LRP1B: variants seen among roughly 807,000 people sequenced by gnomAD.
LRP1B encodes low-density lipoprotein receptor-related protein 1B.
A neutral mutation model predicts 556.6 loss-of-function variants in LRP1B; 217 were observed. The observed-to-expected ratio is 0.39, with a 90% confidence interval of 0.35 to 0.44. LRP1B has a LOEUF of 0.44. Among genes scored for constraint, LRP1B ranks in the 20% least tolerant of loss-of-function variants. LRP1B has a pLI of 1.00. For missense variants in LRP1B, 5,053 were observed against 5,620.8 expected (o/e 0.90, Z 3.23); for synonymous variants, 2,047 against 1,865.8 (o/e 1.10, Z -2.50).
At chr2:140,746,135 T>C (rs1688305088) in intron 35 of LRP1B, among the ~76,000 whole-genome samples, 1 of 152,048 alleles carries the variant, frequency 6.6e-6, no homozygotes, top group South Asian at 2.1e-4. Context: ...TCATGATAAA[T>C]TTCATAAATA....
chr2:140,962,778 G>C (rs1696075601), intron 18 of LRP1B, among the ~76,000 whole-genome samples: 2 of 152,176 alleles, frequency 1.3e-5, no homozygotes, highest in African/African-American at 2.4e-5. Flanking sequence ...CAGTGGAAAG[G>C]TGTTTTTGTG....
At chr2:141,224,424 C>T (rs1179433419) in intron 6 of LRP1B, among the ~76,000 whole-genome samples, 1 of 152,168 alleles carries the variant, frequency 6.6e-6, no homozygotes, top group Non-Finnish European at 1.5e-5. Flanking sequence ...GACAGAGTGG[C>T]AATTCCTCAA....
chr2:141,379,263 C>T (rs970290214), intron 3 of LRP1B, among the ~76,000 whole-genome samples: 1 of 152,082 alleles, frequency 6.6e-6, no homozygotes, highest in African/African-American at 2.4e-5. Context: ...GCATATCTGG[C>T]AAAACTACCC....
At chr2:140,237,883 A>AT (rs1021559716) in intron 89 of LRP1B, among the ~76,000 whole-genome samples, 3 of 150,818 alleles carry the variant, frequency 2.0e-5, no homozygotes, top group African/African-American at 7.3e-5. Context: ...ATAATGAATC[A>AT]TTTTTCAATA....
chr2:141,645,711 C>T (rs780083562), intron 2 of LRP1B, among the ~76,000 whole-genome samples: 22 of 151,688 alleles, frequency 1.5e-4, no homozygotes, highest in Non-Finnish European at 3.1e-4. Context: ...ATAGATAAGT[C>T]CTTAGAGACT....
chr2:140,335,707 G>A lies in LRP1B; in HGVS notation c.12024C>T (p.Ile4008=), dbSNP rs1478670372. Residue 4008 remains isoleucine (I), a synonymous_variant, in exon 78 of 91, where the codon ATC becomes ATT. Coordinates refer to ENST00000389484, the MANE Select transcript of LRP1B (RefSeq NM_018557.3). ...TGGGGCCATTCAGCTGCCCTACGTT[G>A]ATAGAGTACCTCAGACTGGTCCAGT... ...TTHWTSLRYS[I]NVGQLNGPNC... The A allele has an allele frequency of 6.2e-7, 1 of 1,612,204 alleles. No homozygotes were observed. Among genetic ancestry groups the A allele is most frequent in the African/African-American group, 1.3e-5 (1 of 74,896 alleles).
At position 141,576,484 on chromosome 2, in the gene LRP1B, G is replaced by A. The variant is rs370383901; in HGVS notation, c.206-95951C>T. Among the ~76,000 whole-genome samples, 16 of 152,178 alleles carry A rather than the reference G, an allele frequency of 1.1e-4. No individual in the cohort carries two copies. The East Asian group carries it at 1.7e-3, about 17-fold the overall frequency. On this transcript the variant is annotated intron_variant, in intron 2 of 90. Transcript: ENST00000389484. The stretch of plus-strand genomic sequence containing the variant: ...GATGAGGGGAGGGAACTTAGAGGAC[G>A]GGTCAATAGGTGCAGCAGATCACCA...
At position 142,004,126 on chromosome 2, in the gene LRP1B, G is replaced by A. The variant is rs2105142312; in HGVS notation, c.82+126522C>T. Reference sequence around the variant, plus strand: ...CAAATTTTGTCCCTCAGCAATGCTGGAGACAAGAAGGTTAGGAAGAAATTT... The same window carrying A: ...CAAATTTTGTCCCTCAGCAATGCTGAAGACAAGAAGGTTAGGAAGAAATTT... On this transcript the variant is annotated intron_variant, in intron 1 of 90. Coordinates refer to ENST00000389484, the MANE Select transcript of LRP1B (RefSeq NM_018557.3). Among the ~76,000 whole-genome samples, 2 of 152,310 alleles carry A rather than the reference G, an allele frequency of 1.3e-5. 1 individual carries two copies. Among genetic ancestry groups the A allele is most frequent in the South Asian group, 4.1e-4 (2 of 4,824 alleles).
In LRP1B at chr2:140,270,413, T is replaced by G. The variant is rs1214898633; in HGVS notation, c.13143-67A>C. On this transcript the variant is annotated intron_variant, in intron 85 of 90. Coordinates refer to ENST00000389484, the MANE Select transcript of LRP1B (RefSeq NM_018557.3). ...GCAACATTATTGCTGAAAGCTGACA[T>G]AAACTCTCTGTGGATGAGAATATTC... is the stretch of plus-strand genomic sequence containing the variant. The G allele has an allele frequency of 6.8e-6, 7 of 1,024,412 alleles. No individual in the cohort carries two copies. The Admixed American group carries it at 1.0e-4, about 15-fold the overall frequency. 63.5% of individuals were successfully genotyped at this position (1,024,412 alleles called of 1,614,324 possible). A position where few individuals can be genotyped will look rare whatever the true frequency, so the allele number is the denominator to read the frequency against.
chr2:141,899,502 A>G (rs936020587), intron 1 of LRP1B, among the ~76,000 whole-genome samples: 1 of 152,158 alleles, frequency 6.6e-6, no homozygotes, highest in African/African-American at 2.4e-5. Flanking sequence ...GGCACTCTCT[A>G]TAAACACAGT....
intron 35 of LRP1B, among the ~76,000 whole-genome samples, chr2:140,743,883 C>T (rs1370502663): frequency 1.4e-5 from 2 of 137,934 alleles, no homozygotes; most frequent in African/African-American, 2.7e-5. Context: ...AGTAGAATCA[C>T]TTGAACCCAG....
chr2:140,724,141 G>A (rs765503156), intron 35 of LRP1B, among the ~76,000 whole-genome samples: 7 of 152,160 alleles, frequency 4.6e-5, no homozygotes, highest in East Asian at 1.9e-4. Flanking sequence ...GGATTCTTTC[G>A]TAATAAGTTC....
At chr2:141,184,859 T>C (rs1012284391) in intron 7 of LRP1B, among the ~76,000 whole-genome samples, 1 of 151,978 alleles carries the variant, frequency 6.6e-6, no homozygotes, top group African/African-American at 2.4e-5. Context: ...TTCCCTAGGC[T>C]ACACTTCATT....
In LRP1B at chr2:140,233,123, G is replaced by A. The variant is rs2104870160; in HGVS notation, c.*63C>T. The A allele has an allele frequency of 3.7e-6, 4 of 1,068,320 alleles. No individual in the cohort carries two copies. The highest frequency in any genetic ancestry group is 5.3e-6 in the Non-Finnish European group (4 of 761,172). The allele number at this position is 1,068,320 out of a possible 1,614,324, so 66.2% of individuals were successfully genotyped here. A position where few individuals can be genotyped will look rare whatever the true frequency, so the allele number is the denominator to read the frequency against. ...ATGCCAAAACAAGTATAATACTGTT[G>A]GAACATACAAAAGTAATCCTTATAT... is the stretch of plus-strand genomic sequence containing the variant. On this transcript the variant is annotated 3_prime_UTR_variant, in exon 91 of 91. Coordinates refer to ENST00000389484, the MANE Select transcript of LRP1B (RefSeq NM_018557.3).
chr2:141,511,508 T>C (rs1684130701), intron 2 of LRP1B, among the ~76,000 whole-genome samples: 1 of 152,192 alleles, frequency 6.6e-6, no homozygotes, highest in Non-Finnish European at 1.5e-5. Context: ...AACTCAAATA[T>C]CTGTCAAGAT....
At chr2:140,478,268 G>GC (rs1014635510) in intron 59 of LRP1B, among the ~76,000 whole-genome samples, 13 of 149,524 alleles carry the variant, frequency 8.7e-5, no homozygotes, top group African/African-American at 3.0e-4. Flanking sequence ...TCCTGCCTCA[G>GC]CCTCCTGAGT....
chr2:140,703,526 T>C (rs938603817), intron 37 of LRP1B, among the ~76,000 whole-genome samples: 2 of 152,190 alleles, frequency 1.3e-5, no homozygotes, highest in African/African-American at 4.8e-5. Flanking sequence ...ACATCAGCAG[T>C]GAATAAAGTT....
chr2:141,240,427 T>A (rs1683821445), intron 5 of LRP1B, among the ~76,000 whole-genome samples: 1 of 152,082 alleles, frequency 6.6e-6, no homozygotes, highest in Non-Finnish European at 1.5e-5. Context: ...TCCGAGGATT[T>A]CAATAGTGAT....
intron 66 of LRP1B, among the ~76,000 whole-genome samples, chr2:140,421,963 T>C (rs377552951): frequency 2.0e-5 from 3 of 152,208 alleles, no homozygotes; most frequent in African/African-American, 7.2e-5. Flanking sequence ...TTGACAGAAA[T>C]GTCAGTGGGT....
Sources: allele counts gnomAD v4.1 joint callset (sites outside exome capture counted in the v4.1 genomes callset), GRCh38; gene constraint gnomAD v4.1.1; transcripts MANE v1.5; gene names NCBI Gene and HGNC (gene_info 2026-07-23, HGNC 2026-07-21).